Variants in CPED1 observed in about 807,000 individuals in gnomAD.
CPED1 encodes the protein cadherin-like and PC-esterase domain-containing protein 1.
A neutral mutation model predicts 128.2 loss-of-function variants in CPED1; 114 were observed. That is an observed-to-expected ratio of 0.89 (90% CI 0.76 to 1.04). CPED1 has a LOEUF of 1.04. CPED1 is among the 50% of genes least tolerant of loss of function. The pLI is 0.00. For missense variants in CPED1, 1,211 were observed against 1,207.1 expected (o/e 1.00, Z -0.05); for synonymous variants, 462 against 426.7 (o/e 1.08, Z -1.02).
chr7:121,200,215 G>A (rs1797364594), intron 16 of CPED1, among the ~76,000 whole-genome samples: 1 of 152,056 alleles, frequency 6.6e-6, no homozygotes, highest in Admixed American at 6.6e-5. Context: ...AGTGTGGCCT[G>A]AGAAACATCA....
At chr7:121,157,260 A>C (rs1796308669) in intron 16 of CPED1, among the ~76,000 whole-genome samples, 1 of 152,156 alleles carries the variant, frequency 6.6e-6, no homozygotes, top group Non-Finnish European at 1.5e-5. Flanking sequence ...TATAGAAGTA[A>C]ATTTACATAT....
Position 121,295,450 on chromosome 7 carries a change from C to T in CPED1, c.2879C>T (p.Ser960Leu). Residue 960 changes from serine (S) to leucine (L), a missense_variant, in exon 23 of 23, where the codon TCA becomes TTA. Coordinates refer to ENST00000310396, the MANE Select transcript of CPED1 (RefSeq NM_024913.5). ...GCTCTTCATTTACAGGTAGTGAAAT[C>T]AAAGTTATCCAAAGAATATAACTTT... ...CGCHFHEVVK[S>L]KLSKEYNFIK... 1 of 1,610,716 alleles carries T rather than the reference C, an allele frequency of 6.2e-7. No individual in the cohort carries two copies. Among genetic ancestry groups the T allele is most frequent in the Non-Finnish European group, 8.5e-7 (1 of 1,178,400 alleles).
At chr7:121,160,789 T>C (rs1443323519) in intron 16 of CPED1, among the ~76,000 whole-genome samples, 1 of 152,084 alleles carries the variant, frequency 6.6e-6, no homozygotes, top group Non-Finnish European at 1.5e-5. Flanking sequence ...GTTTTGTATG[T>C]AGGCTTCTCA....
intron 16 of CPED1, among the ~76,000 whole-genome samples, chr7:121,218,151 A>ATTT (rs34168785): frequency 0.013 from 1,813 of 141,714 alleles, 16 homozygotes; most frequent in Middle Eastern, 0.025. Context: ...TGCCTGGCTA[A>ATTT]TTTTTTTTTT....
rs1792286709 is a variant in CPED1 at position 121,015,780 on chromosome 7, A to G, written c.365A>G (p.His122Arg). ...CTACACCAGCACATTCTGACTCAACATGGCTATACGGTTGTCATCGCTGAA... is the reference window on the plus strand; with the variant it reads ...CTACACCAGCACATTCTGACTCAACGTGGCTATACGGTTGTCATCGCTGAA... ...LQLHQHILTQ[H>R]GYTVVIAEER... The change falls in exon 3 of 23, where the codon CAT becomes CGT. Residue 122 changes from histidine (H) to arginine (R), a missense_variant. Physicochemically the swap from His to Arg is conservative, Grantham distance 29. Transcript: ENST00000310396. The G allele has an allele frequency of 6.2e-7, 1 of 1,610,366 alleles. No homozygotes were observed. Among genetic ancestry groups the G allele is most frequent in the South Asian group, 1.1e-5 (1 of 90,246 alleles).
intron 5 of CPED1, among the ~76,000 whole-genome samples, chr7:121,093,071 T>C (rs1406144248): frequency 7.9e-5 from 12 of 152,126 alleles, no homozygotes; most frequent in Admixed American, 7.9e-4. Context: ...TAGACTAGGC[T>C]TCTATTGTTT....
At chr7:121,027,395 C>T (rs1391167326) in intron 3 of CPED1, among the ~76,000 whole-genome samples, 3 of 152,032 alleles carry the variant, frequency 2.0e-5, no homozygotes, top group East Asian at 3.9e-4. Context: ...AAAACAATGT[C>T]GTGCATATAC....
intron 5 of CPED1, among the ~76,000 whole-genome samples, chr7:121,065,199 C>G (rs1186404651): frequency 2.0e-5 from 3 of 152,058 alleles, no homozygotes; most frequent in Non-Finnish European, 4.4e-5. Flanking sequence ...CTGAAGTCAT[C>G]GACTGATATT....
At chr7:121,187,511 G>A (rs543314303) in intron 16 of CPED1, among the ~76,000 whole-genome samples, 1 of 152,230 alleles carries the variant, frequency 6.6e-6, no homozygotes, top group Non-Finnish European at 1.5e-5. Flanking sequence ...GTGCTTTGTA[G>A]GTGATGGCAG....
At chr7:121,006,180 C>G (rs1232786011) in intron 2 of CPED1, among the ~76,000 whole-genome samples, 2 of 152,130 alleles carry the variant, frequency 1.3e-5, no homozygotes, top group African/African-American at 4.8e-5. Flanking sequence ...GCTGAATTAA[C>G]TTGTTGTTTT....
chr7:121,170,422 T>C (rs1202760537), intron 16 of CPED1, among the ~76,000 whole-genome samples: 1 of 152,098 alleles, frequency 6.6e-6, no homozygotes, highest in Non-Finnish European at 1.5e-5. Context: ...TCTGTATAAA[T>C]TTAGGGTCTT....
At chr7:121,005,648 T>TA (rs1193274689) in intron 2 of CPED1, among the ~76,000 whole-genome samples, 1 of 152,016 alleles carries the variant, frequency 6.6e-6, no homozygotes, top group Non-Finnish European at 1.5e-5. Context: ...TAAAGTATAA[T>TA]AAAAAAATTT....
chr7:121,141,905 T>G, intron 15 of CPED1, 68 bp from the exon 16 acceptor site: 1 of 1,240,262 alleles, frequency 8.1e-7, no homozygotes, highest in Non-Finnish European at 1.2e-6. Flanking sequence ...TATTGATATA[T>G]GAATCAGTTT....
intron 5 of CPED1, among the ~76,000 whole-genome samples, chr7:121,078,498 G>GAAAAAAAAAAAAAAAAAAAAAAAAA (rs529856618): frequency 9.8e-6 from 1 of 101,928 alleles, no homozygotes; most frequent in Non-Finnish European, 1.9e-5. Flanking sequence ...AAGAAAGAAA[G>GAAAAAAAAAAAAAAAAAAAAAAAAA]AAAAAAAAAA....
chr7:121,008,159 A>G (rs1323295223), intron 2 of CPED1, among the ~76,000 whole-genome samples: 1 of 152,044 alleles, frequency 6.6e-6, no homozygotes, highest in Non-Finnish European at 1.5e-5. Flanking sequence ...TTCTGTCTAT[A>G]CTAAGTCCAG....
chr7:121,145,460 A>G (rs536222625), intron 16 of CPED1, among the ~76,000 whole-genome samples: 5 of 152,200 alleles, frequency 3.3e-5, no homozygotes, highest in African/African-American at 1.2e-4. Flanking sequence ...TCCCACAGTA[A>G]GTATTATATT....
intron 22 of CPED1, among the ~76,000 whole-genome samples, chr7:121,288,930 T>TC (rs1221969687): frequency 6.6e-6 from 1 of 152,240 alleles, no homozygotes; most frequent in Non-Finnish European, 1.5e-5. Flanking sequence ...TGAAGACTGC[T>TC]CACTAATCTT....
intron 18 of CPED1, among the ~76,000 whole-genome samples, chr7:121,257,223 A>T (rs1791905851): frequency 6.6e-6 from 1 of 152,002 alleles, no homozygotes; most frequent in Non-Finnish European, 1.5e-5. Flanking sequence ...TAAAAGTTGA[A>T]GTTTGGGGAA....
At chr7:121,047,326 AT>A (rs1204628874) in intron 4 of CPED1, among the ~76,000 whole-genome samples, 5 of 151,934 alleles carry the variant, frequency 3.3e-5, no homozygotes, top group Non-Finnish European at 5.9e-5. Context: ...GCCTTTTCTA[AT>A]TTTTTTTCTA....
Sources: allele counts gnomAD v4.1 joint callset (sites outside exome capture counted in the v4.1 genomes callset), GRCh38; gene constraint gnomAD v4.1.1; transcripts MANE v1.5; gene names NCBI Gene and HGNC (gene_info 2026-07-23, HGNC 2026-07-21).